IKZF2: variants seen among roughly 807,000 people sequenced by gnomAD.
IKZF2 encodes the protein zinc finger protein Helios.
In IKZF2, 15 loss-of-function variants were observed where a neutral mutation model predicts 49.2. That is an observed-to-expected ratio of 0.30 (90% confidence interval 0.20 to 0.47). The LOEUF (loss-of-function observed/expected upper bound fraction) is 0.47. Ranked by LOEUF, IKZF2 falls within the 20% of genes least tolerant of loss-of-function variation. The pLI is 1.00. For missense variants in IKZF2, 567 were observed against 664.6 expected, an observed-to-expected ratio of 0.85 and a Z score of 1.61; for synonymous variants, 227 against 221.4, an observed-to-expected ratio of 1.03 and a Z score of -0.23.
intron 4 of IKZF2, among the ~76,000 whole-genome samples, chr2:213,135,207 GAA>G (rs1218630088): frequency 2.0e-5 from 3 of 152,116 alleles, no homozygotes; most frequent in African/African-American, 4.8e-5. Context: ...AGATAGAATT[GAA>G]AATCTATGTT....
chr2:213,018,317 T>C (rs1402165552), intron 7 of IKZF2, among the ~76,000 whole-genome samples: 1 of 152,154 alleles, frequency 6.6e-6, no homozygotes, highest in Non-Finnish European at 1.5e-5. Context: ...TTTAATTATA[T>C]AAATAATCTG....
chr2:213,147,736 C>T lies in IKZF2; in HGVS notation c.111G>A (p.Gln37=), dbSNP rs763681401. The change falls in exon 4 of 9, where the codon CAG becomes CAA. Residue 37 remains glutamine (Q), a synonymous_variant. Transcript: ENST00000434687. ...IDLTSSTPNG[Q]HASPSHMTST... is the part of the protein sequence containing the mutation. ...TTGTCATGTGACTTGGTGAGGCATG[C>T]TGTCCATTGGGTGTGCTTGAGGTGA... 8 of 1,613,858 alleles carry T rather than the reference C, an allele frequency of 5.0e-6. No individual in the cohort carries two copies. The highest frequency in any genetic ancestry group is 3.3e-5 in the Admixed American group (2 of 60,016).
intron 4 of IKZF2, among the ~76,000 whole-genome samples, chr2:213,094,316 T>C (rs1252429243): frequency 6.6e-6 from 1 of 152,080 alleles, no homozygotes; most frequent in African/African-American, 2.4e-5. Flanking sequence ...GCTATGAAGC[T>C]TGGAGTAAAG....
At chr2:213,014,004 T>C in intron 7 of IKZF2, 70 bp from the exon 8 acceptor site, 2 of 1,435,078 alleles carry the variant, frequency 1.4e-6, no homozygotes, top group Non-Finnish European at 2.0e-6. Flanking sequence ...AAGCTGGATA[T>C]GCCATCTCGA....
At chr2:213,104,261 C>CAAAAAAAA (rs75972033) in intron 4 of IKZF2, among the ~76,000 whole-genome samples, 1 of 78,198 alleles carries the variant, frequency 1.3e-5, no homozygotes, top group Non-Finnish European at 3.1e-5. Context: ...TTCTAACGGA[C>CAAAAAAAA]AAAAAAAAAA....
intron 4 of IKZF2, among the ~76,000 whole-genome samples, chr2:213,080,423 A>C (rs1028622386): frequency 1.3e-5 from 2 of 152,214 alleles, no homozygotes; most frequent in African/African-American, 4.8e-5. Flanking sequence ...TAAAGGAAAG[A>C]GAAAACGAGG....
intron 4 of IKZF2, chr2:213,081,225 CA>C (rs1703915357): frequency 6.7e-6 from 1 of 148,376 alleles, no homozygotes; most frequent in South Asian, 2.2e-4. Flanking sequence ...GAGCATGGCC[CA>C]AAGGTAGGTA....
At chr2:213,020,780 A>T (rs550849888) in intron 7 of IKZF2, among the ~76,000 whole-genome samples, 1 of 152,326 alleles carries the variant, frequency 6.6e-6, no homozygotes, top group African/African-American at 2.4e-5. Flanking sequence ...TATATACTCT[A>T]TAAAACAAAC....
chr2:213,005,656 T>A lies in IKZF2; in HGVS notation c.*1704A>T, dbSNP rs1695283726. The A allele has an allele frequency of 6.6e-6, 1 of 152,146 alleles. No individual in the cohort carries two copies. Among genetic ancestry groups the A allele is most frequent in the Non-Finnish European group, 1.5e-5 (1 of 67,976 alleles). The allele number at this position is 152,146 out of a possible 1,614,324, so 9.4% of individuals were successfully genotyped here. On this transcript the variant is annotated 3_prime_UTR_variant, in exon 9 of 9. Coordinates refer to ENST00000434687, the MANE Select transcript of IKZF2 (RefSeq NM_001387220.1). Reference sequence around the variant, plus strand: ...CTAACAGAATTTCAGTATTCACAAATGGTTATCAGATAATCCAGTCACAGT... The same window carrying A: ...CTAACAGAATTTCAGTATTCACAAAAGGTTATCAGATAATCCAGTCACAGT...
At chr2:213,137,665 A>G (rs951750465) in intron 4 of IKZF2, among the ~76,000 whole-genome samples, 2 of 152,158 alleles carry the variant, frequency 1.3e-5, no homozygotes, top group Non-Finnish European at 1.5e-5. Flanking sequence ...GCATATTGGC[A>G]TAAGTCTGAT....
intron 4 of IKZF2, among the ~76,000 whole-genome samples, chr2:213,063,964 A>G (rs982880506): frequency 4.5e-4 from 69 of 152,158 alleles, no homozygotes; most frequent in African/African-American, 1.6e-3. Context: ...TCCATAAACC[A>G]AACTATTGAA....
chr2:213,084,207 G>C (rs1284905293), intron 4 of IKZF2, among the ~76,000 whole-genome samples: 1 of 152,132 alleles, frequency 6.6e-6, no homozygotes, highest in Non-Finnish European at 1.5e-5. Flanking sequence ...CTTACCAGCT[G>C]TATATCACAG....
chr2:213,025,980 A>G (rs907117923), intron 6 of IKZF2, among the ~76,000 whole-genome samples: 1 of 152,086 alleles, frequency 6.6e-6, no homozygotes, highest in African/African-American at 2.4e-5. Flanking sequence ...GCCTGGCATA[A>G]TAGACTTCAA....
chr2:213,136,048 C>CA (rs534093528), intron 4 of IKZF2, among the ~76,000 whole-genome samples: 29,325 of 105,254 alleles, frequency 0.28, 6,982 homozygotes, highest in African/African-American at 0.65. Flanking sequence ...GACTCCGTTT[C>CA]AAAAAAAAAA....
At chr2:213,143,321 C>T (rs1361484558) in intron 4 of IKZF2, among the ~76,000 whole-genome samples, 4 of 151,850 alleles carry the variant, frequency 2.6e-5, no homozygotes, top group South Asian at 2.1e-4. Flanking sequence ...TTCTGCCATA[C>T]GTTGTTTTGT....
chr2:213,110,782 G>C (rs1251125146), intron 4 of IKZF2, among the ~76,000 whole-genome samples: 1 of 151,880 alleles, frequency 6.6e-6, no homozygotes, highest in Non-Finnish European at 1.5e-5. Flanking sequence ...TTTCCTTGCA[G>C]CCTTGCCAAC....
chr2:213,119,838 G>C (rs2059993324), intron 4 of IKZF2, among the ~76,000 whole-genome samples: 2 of 152,104 alleles, frequency 1.3e-5, no homozygotes, highest in Non-Finnish European at 2.9e-5. Context: ...AATCTTGAAG[G>C]AGAAGAAAAA....
chr2:213,056,280 C>T (rs1701144525), intron 5 of IKZF2, among the ~76,000 whole-genome samples: 1 of 152,118 alleles, frequency 6.6e-6, no homozygotes, highest in African/African-American at 2.4e-5. Flanking sequence ...TACATATATC[C>T]TTGCAGGAGT....
At position 213,006,512 on chromosome 2, in the gene IKZF2, G is replaced by A. The variant is rs955665267; in HGVS notation, c.*848C>T. Reference sequence around the variant, plus strand: ...AAACCTCTCAAACAAATTTATGAAAGTAGAAGTCCCTCCCAGAAATTATTG... The same window carrying A: ...AAACCTCTCAAACAAATTTATGAAAATAGAAGTCCCTCCCAGAAATTATTG... On this transcript the variant is annotated 3_prime_UTR_variant, in exon 9 of 9. Coordinates refer to ENST00000434687, the MANE Select transcript of IKZF2 (RefSeq NM_001387220.1). The A allele has an allele frequency of 6.6e-6, 1 of 152,458 alleles. No individual in the cohort carries two copies. Among genetic ancestry groups the A allele is most frequent in the African/African-American group, 2.4e-5 (1 of 41,420 alleles). 9.4% of individuals were successfully genotyped at this position (152,458 alleles called of 1,614,324 possible).
Sources: gnomAD v4.1 joint callset for allele counts (sites outside exome capture counted in the v4.1 genomes callset) on GRCh38, gnomAD v4.1.1 for gene constraint, MANE v1.5 for transcripts, NCBI Gene and HGNC (gene_info 2026-07-23, HGNC 2026-07-21) for gene names.